Variants in JMJD1C observed in about 807,000 individuals in gnomAD.
The protein encoded by JMJD1C is jumonji domain-containing protein 1C.
JMJD1C carries 31 observed loss-of-function variants against 245.3 expected under a neutral mutation model. That is an observed-to-expected ratio of 0.13 (90% confidence interval 0.09 to 0.17). The LOEUF (loss-of-function observed/expected upper bound fraction) is 0.17. JMJD1C is among the 10% of genes least tolerant of loss of function. The pLI is 1.00. For synonymous variants in JMJD1C, 1,057 were observed against 1,017.4 expected (o/e 1.04, Z -0.74); for missense variants, 2,691 against 3,000.2 (o/e 0.90, Z 2.41).
chr10:63,197,922 C>G (rs1480570721), intron 12 of JMJD1C, among the ~76,000 whole-genome samples: 1 of 152,200 alleles, frequency 6.6e-6, no homozygotes, highest in Non-Finnish European at 1.5e-5. Flanking sequence ...CCTTAACTCC[C>G]TCAGTTATGC....
chr10:63,386,484 G>C (rs549929418), intron 1 of JMJD1C, among the ~76,000 whole-genome samples: 1 of 152,190 alleles, frequency 6.6e-6, no homozygotes, highest in Admixed American at 6.5e-5. Context: ...ACCTGAGGAC[G>C]GGTCTGCTCA....
intron 1 of JMJD1C, among the ~76,000 whole-genome samples, chr10:63,438,256 G>A (rs1951170061): frequency 6.6e-6 from 1 of 152,038 alleles, no homozygotes; most frequent in Admixed American, 6.6e-5. Flanking sequence ...ATGTTTTGCA[G>A]GAGCCAAAAC....
chr10:63,322,567 C>A (rs1350405804), intron 2 of JMJD1C, among the ~76,000 whole-genome samples: 2 of 152,106 alleles, frequency 1.3e-5, no homozygotes, highest in Non-Finnish European at 2.9e-5. Context: ...GTACTCCCAG[C>A]ACTTTGGGAG....
chr10:63,468,115 C>A (rs960331700), upstream of JMJD1C, among the ~76,000 whole-genome samples: 17 of 152,080 alleles, frequency 1.1e-4, no homozygotes, highest in Non-Finnish European at 1.9e-4. Context: ...GCATGTAATC[C>A]AACAAATCAA....
chr10:63,384,587 C>T (rs1947449200), intron 1 of JMJD1C, among the ~76,000 whole-genome samples: 2 of 152,096 alleles, frequency 1.3e-5, no homozygotes, highest in Non-Finnish European at 2.9e-5. Context: ...CAACAGTGGG[C>T]TTAAAATATT....
intron 1 of JMJD1C, among the ~76,000 whole-genome samples, chr10:63,501,543 CGAGGAGGGT>C (rs1345347145): frequency 1.3e-5 from 2 of 152,164 alleles, no homozygotes; most frequent in African/African-American, 4.8e-5. Flanking sequence ...TTTGGGAGGC[CGAGGAGGGT>C]GATTCACGAG....
rs184761120 is a variant in JMJD1C, at chr10:63,253,628, C to T, written c.447+11023G>A. On this transcript the variant is annotated intron_variant, in intron 3 of 25. Coordinates refer to ENST00000399262, the MANE Select transcript of JMJD1C (RefSeq NM_032776.3). Reference sequence around the variant, plus strand: ...TTTGAACTCCTGAACTCAGGTGATCCGCCCACTTCAGCCTCCCCAAGTGCT... The same window carrying T: ...TTTGAACTCCTGAACTCAGGTGATCTGCCCACTTCAGCCTCCCCAAGTGCT... 3.6e-3 allele frequency among the ~76,000 whole-genome samples: 551 copies of T among 152,162 alleles called. 2 individuals are homozygous for T. The highest frequency in any genetic ancestry group is 9.7e-3 in the Admixed American group (148 of 15,282).
At chr10:63,184,762 C>CT in intron 20 of JMJD1C, 24 bp from the exon 21 acceptor site, 1 of 1,587,724 alleles carries the variant, frequency 6.3e-7, no homozygotes, top group Non-Finnish European at 8.6e-7. Flanking sequence ...ACATTGCCTT[C>CT]TTATAAATAA....
chr10:63,319,242 G>A (rs1187158472), intron 2 of JMJD1C, among the ~76,000 whole-genome samples: 4 of 133,984 alleles, frequency 3.0e-5, no homozygotes, highest in Non-Finnish European at 6.1e-5. Context: ...GGGCGACAGA[G>A]CGAGACTCCA....
At chr10:63,427,238 T>C in intron 1 of JMJD1C, 1 of 170,828 alleles carries the variant, frequency 5.9e-6, no homozygotes. Flanking sequence ...CCCGCGTGTC[T>C]CCCAGAAGGC....
At chr10:63,347,699 G>C (rs1943976121) in intron 2 of JMJD1C, among the ~76,000 whole-genome samples, 1 of 152,052 alleles carries the variant, frequency 6.6e-6, no homozygotes, top group Non-Finnish European at 1.5e-5. Context: ...GATCACCTGA[G>C]ATCAGGAGTT....
intron 1 of JMJD1C, among the ~76,000 whole-genome samples, chr10:63,414,927 C>A (rs998836790): frequency 7.4e-6 from 1 of 135,378 alleles, no homozygotes; most frequent in South Asian, 2.7e-4. Flanking sequence ...AAAAATTATT[C>A]CAACACTAGA....
intron 1 of JMJD1C, among the ~76,000 whole-genome samples, chr10:63,501,444 ACT>A (rs1954557008): frequency 6.6e-6 from 1 of 152,094 alleles, no homozygotes; most frequent in African/African-American, 2.4e-5. Flanking sequence ...AAAGGTACTA[ACT>A]CTATTATTCT....
intron 3 of JMJD1C, among the ~76,000 whole-genome samples, chr10:63,256,390 T>G (rs1372593866): frequency 6.6e-6 from 1 of 152,180 alleles, no homozygotes; most frequent in Non-Finnish European, 1.5e-5. Context: ...TAAAATCATA[T>G]AGGTAGGTAA....
At chr10:63,322,776 C>G (rs28627132) in intron 2 of JMJD1C, among the ~76,000 whole-genome samples, 2 of 127,628 alleles carry the variant, frequency 1.6e-5, no homozygotes, top group Admixed American at 9.7e-5. Context: ...GGACTCCAGC[C>G]TGGGCAACAG....
chr10:63,383,475 G>A (rs2134525764), intron 1 of JMJD1C, among the ~76,000 whole-genome samples: 1 of 152,232 alleles, frequency 6.6e-6, no homozygotes, highest in African/African-American at 2.4e-5. Flanking sequence ...CAGGTGGGAG[G>A]ATCACTTAAA....
chr10:63,477,167 T>C (rs2133172181), intron 1 of JMJD1C, among the ~76,000 whole-genome samples: 1 of 152,276 alleles, frequency 6.6e-6, no homozygotes, highest in African/African-American at 2.4e-5. Context: ...TCTCTCCAAA[T>C]TGATCTGCAA....
At chr10:63,500,249 C>G (rs558662646) in intron 1 of JMJD1C, among the ~76,000 whole-genome samples, 49 of 152,104 alleles carry the variant, frequency 3.2e-4, no homozygotes, top group African/African-American at 1.1e-3. Flanking sequence ...TGGTGATACC[C>G]CATCTCTACA....
In JMJD1C at chr10:63,208,562, G is replaced by A; in HGVS notation, c.3107C>T (p.Thr1036Ile). Residue 1036 changes from threonine to isoleucine, a missense_variant, in exon 10 of 26, where the codon ACA becomes ATA. Transcript: ENST00000399262. ...ACCCTCAAGTCCCTTGATTTTAGTT[G>A]TAAAGGGAGCAACATCAATACTTTC... Reference protein sequence around the residue: ...LQESIDVAPFTTKIKGLEGER... With the variant: ...LQESIDVAPFITKIKGLEGER... The A allele has an allele frequency of 6.2e-7, 1 of 1,613,980 alleles. No homozygotes were observed. Among genetic ancestry groups the A allele is most frequent in the Non-Finnish European group, 8.5e-7 (1 of 1,179,884 alleles).
Sources: allele counts gnomAD v4.1 joint callset (sites outside exome capture counted in the v4.1 genomes callset), GRCh38; gene constraint gnomAD v4.1.1; transcripts MANE v1.5; gene names NCBI Gene and HGNC (gene_info 2026-07-23, HGNC 2026-07-21).